IKZF1: variants seen among roughly 807,000 people sequenced by gnomAD.
IKZF1 encodes the protein DNA-binding protein Ikaros.
In IKZF1, 10 loss-of-function variants were observed where a neutral mutation model predicts 51.7. The ratio of observed to expected loss-of-function variants is 0.19; its 90% CI spans 0.12 to 0.33. IKZF1 has a LOEUF of 0.33. IKZF1 is among the 10% of genes least tolerant of loss of function. The pLI is 1.00. For missense variants in IKZF1, 484 were observed against 707.5 expected (o/e 0.68, Z 3.58); for synonymous variants, 280 against 282.3 (o/e 0.99, Z 0.08).
chr7:50,357,649 T>TC (rs1803869916), intron 3 of IKZF1, among the ~76,000 whole-genome samples: 1 of 152,272 alleles, frequency 6.6e-6, no homozygotes, highest in East Asian at 1.9e-4. Flanking sequence ...CTCTGGAGAC[T>TC]CCCTCGGGGT....
At chr7:50,371,590 G>A (rs907297766) in intron 3 of IKZF1, among the ~76,000 whole-genome samples, 6 of 152,216 alleles carry the variant, frequency 3.9e-5, no homozygotes, top group African/African-American at 1.4e-4. Flanking sequence ...TCTCTGCCCT[G>A]TGTGTGGACA....
At chr7:50,317,575 T>C (rs888085225) in intron 1 of IKZF1, among the ~76,000 whole-genome samples, 9 of 152,176 alleles carry the variant, frequency 5.9e-5, no homozygotes, top group African/African-American at 2.2e-4. Context: ...TCTGAAATAC[T>C]TTTTCTGTAC....
chr7:50,402,015 A>C lies in IKZF1; in HGVS notation c.*1388A>C, dbSNP rs562562601. On this transcript the variant is annotated 3_prime_UTR_variant, in exon 8 of 8. Coordinates refer to ENST00000331340, the MANE Select transcript of IKZF1 (RefSeq NM_006060.6). Reference sequence around the variant, plus strand: ...GGAGAGTAATGCCACCAGATCCCCTAGGAAAGAGGAGGCAAATGGCACTGC... The same window carrying C: ...GGAGAGTAATGCCACCAGATCCCCTCGGAAAGAGGAGGCAAATGGCACTGC... 1 of 229,076 alleles carries C rather than the reference A, an allele frequency of 4.4e-6. No individual in the cohort carries two copies. The highest frequency in any genetic ancestry group is 2.2e-5 in the African/African-American group (1 of 45,206). The allele number at this position is 229,076 out of a possible 1,614,324, so 14.2% of individuals were successfully genotyped here. A position where few individuals can be genotyped will look rare whatever the true frequency, so the allele number is the denominator to read the frequency against.
chr7:50,340,029 G>T (rs1338684793), intron 3 of IKZF1, among the ~76,000 whole-genome samples: 1 of 152,216 alleles, frequency 6.6e-6, no homozygotes, highest in African/African-American at 2.4e-5. Context: ...TGAGATAGGT[G>T]TGCAGGTCCA....
rs918277718 is a variant in IKZF1, at chr7:50,404,964, A to G, written c.*4337A>G. The G allele has an allele frequency of 1.4e-5, 3 of 207,480 alleles. No homozygotes were observed. Among genetic ancestry groups the G allele is most frequent in the African/African-American group, 6.8e-5 (3 of 43,836 alleles). 12.9% of individuals were successfully genotyped at this position (207,480 alleles called of 1,614,324 possible). ...GTCAAGTTATAGTTTGGATGTTAGT[A>G]TAGAATTTTGAAATTGGGAATTAAA... On this transcript the variant is annotated 3_prime_UTR_variant, in exon 8 of 8. Transcript: ENST00000331340.
intron 3 of IKZF1, among the ~76,000 whole-genome samples, chr7:50,336,696 T>A (rs1797872230): frequency 6.6e-6 from 1 of 152,164 alleles, no homozygotes; most frequent in African/African-American, 2.4e-5. Context: ...GTTGGCTGCA[T>A]TGTCCACTTC....
At chr7:50,352,553 G>A (rs1206170198) in intron 3 of IKZF1, among the ~76,000 whole-genome samples, 1 of 152,314 alleles carries the variant, frequency 6.6e-6, no homozygotes, top group East Asian at 1.9e-4. Flanking sequence ...TGGATGATGT[G>A]TACAACTTCT....
chr7:50,375,431 A>G (rs1474422283), intron 3 of IKZF1, among the ~76,000 whole-genome samples: 1 of 152,168 alleles, frequency 6.6e-6, no homozygotes, highest in Non-Finnish European at 1.5e-5. Flanking sequence ...TTACTTGGCA[A>G]AATTTACCTA....
chr7:50,368,349 A>T lies in IKZF1; in HGVS notation c.161-8184A>T, dbSNP rs775199013. The T allele has an allele frequency of 1.9e-5, 13 of 697,776 alleles. No individual in the cohort carries two copies. The highest frequency in any genetic ancestry group is 2.3e-4 in the Middle Eastern group (1 of 4,364). 43.2% of individuals were successfully genotyped at this position (697,776 alleles called of 1,614,324 possible). A position where few individuals can be genotyped will look rare whatever the true frequency, so the allele number is the denominator to read the frequency against. On this transcript the variant is annotated intron_variant, in intron 3 of 7. Coordinates refer to ENST00000331340, the MANE Select transcript of IKZF1 (RefSeq NM_006060.6). ...TGTTACTTCGCAGATGCTGCTGGACAGCTTTGAGATTACTCCTGTAATCCT... is the reference window on the plus strand; with the variant it reads ...TGTTACTTCGCAGATGCTGCTGGACTGCTTTGAGATTACTCCTGTAATCCT...
chr7:50,326,110 G>A (rs1033354322), intron 2 of IKZF1, among the ~76,000 whole-genome samples: 2 of 152,224 alleles, frequency 1.3e-5, no homozygotes, highest in African/African-American at 4.8e-5. Flanking sequence ...AAATATTCCA[G>A]GAAGGGTTGT....
At chr7:50,379,064 A>G (rs530553019) in intron 4 of IKZF1, among the ~76,000 whole-genome samples, 1 of 152,366 alleles carries the variant, frequency 6.6e-6, no homozygotes, top group East Asian at 1.9e-4. Context: ...AACTTGAAAG[A>G]GCATGTAAAT....
intron 3 of IKZF1, among the ~76,000 whole-genome samples, chr7:50,343,208 G>A (rs1453849208): frequency 1.2e-4 from 9 of 77,910 alleles, no homozygotes; most frequent in East Asian, 4.6e-4. Flanking sequence ...CCTTCCCCTC[G>A]TCTCCCTTCC....
chr7:50,324,372 A>G (rs1794276736), intron 2 of IKZF1, among the ~76,000 whole-genome samples: 1 of 152,170 alleles, frequency 6.6e-6, no homozygotes, highest in Admixed American at 6.6e-5. Flanking sequence ...GCTTGAATTA[A>G]CACAGGGCCC....
intron 3 of IKZF1, among the ~76,000 whole-genome samples, chr7:50,364,002 T>C (rs958945842): frequency 3.3e-5 from 5 of 152,244 alleles, no homozygotes; most frequent in Non-Finnish European, 5.9e-5. Context: ...GCTAACAGGT[T>C]CATGTGATTT....
intron 3 of IKZF1, among the ~76,000 whole-genome samples, chr7:50,359,608 A>G (rs1804604890): frequency 6.6e-6 from 1 of 152,232 alleles, no homozygotes; most frequent in African/African-American, 2.4e-5. Context: ...TATGTGTAGA[A>G]AGGGCGATCT....
intron 2 of IKZF1, among the ~76,000 whole-genome samples, chr7:50,320,887 A>G (rs1478415679): frequency 3.3e-5 from 5 of 152,236 alleles, no homozygotes; most frequent in African/African-American, 1.2e-4. Context: ...CAGCATTGTT[A>G]TCAGTATTTT....
intron 3 of IKZF1, among the ~76,000 whole-genome samples, chr7:50,372,936 G>A (rs1197877810): frequency 6.6e-6 from 1 of 152,248 alleles, no homozygotes; most frequent in Non-Finnish European, 1.5e-5. Context: ...CAGTGAAAGA[G>A]CCCAGGGTGG....
chr7:50,374,177 G>A (rs2153463630), intron 3 of IKZF1, among the ~76,000 whole-genome samples: 2 of 152,258 alleles, frequency 1.3e-5, no homozygotes, highest in South Asian at 4.1e-4. Context: ...GAAAACACTG[G>A]CAGTACAATC....
rs1404017182 is a variant in IKZF1, at chr7:50,376,678, G to A, written c.306G>A (p.Ser102=). 5.0e-6 allele frequency: 8 copies of A among 1,613,928 alleles called. No homozygotes were observed. Among genetic ancestry groups the A allele is most frequent in the Admixed American group, 1.7e-5 (1 of 60,014 alleles). ...MNGSHRDQGS[S]ALSGVGGIRL... ...GCTCCCACAGGGACCAAGGCAGCTC[G>A]GCTTTGTCGGGAGTTGGAGGCATTC... Residue 102 remains serine (S), a synonymous_variant, in exon 4 of 8, where the codon TCG becomes TCA. Coordinates refer to ENST00000331340, the MANE Select transcript of IKZF1 (RefSeq NM_006060.6). This position sits in a 1 kb window ranked among gnomAD's most constrained non-coding sequence, Gnocchi z 4.5.
Sources: allele counts gnomAD v4.1 joint callset (sites outside exome capture counted in the v4.1 genomes callset), GRCh38; gene constraint gnomAD v4.1.1; non-coding constraint Gnocchi (gnomAD v3.1); transcripts MANE v1.5; gene names NCBI Gene and HGNC (gene_info 2026-07-23, HGNC 2026-07-21).